PSD2: variants seen among roughly 807,000 people sequenced by gnomAD.
PSD2 encodes the protein PH and SEC7 domain-containing protein 2.
Under a neutral mutation model 69.8 loss-of-function variants are expected in PSD2, and 38 were observed. The ratio of observed to expected loss-of-function variants is 0.54; its 90% CI spans 0.42 to 0.71. PSD2 has a LOEUF of 0.71. PSD2 is among the 30% of genes least tolerant of loss of function. The pLI is 0.00. For missense variants in PSD2, 943 were observed against 1,014.5 expected (o/e 0.93, Z 0.96); for synonymous variants, 412 against 423.0 (o/e 0.97, Z 0.32).
Position 139,822,737 on chromosome 5 carries a change from A to G in PSD2, c.1222A>G (p.Thr408Ala), listed in dbSNP as rs913342858. 2.5e-6 allele frequency: 4 copies of G among 1,610,646 alleles called. No individual in the cohort carries two copies. The Admixed American group carries it at 6.7e-5, about 27-fold the overall frequency. The change falls in exon 7 of 15, where the codon ACG becomes GCG. Residue 408 changes from threonine to alanine, a missense_variant. This residue lies in a region of PSD2 where 312 missense variants were observed against 400.7 expected (regional missense o/e 0.78). Coordinates refer to ENST00000274710, the MANE Select transcript of PSD2 (RefSeq NM_032289.4). ...DDSTSEDGIH[T>A]LTCALMLLNT... ...CATCTCTGACTCAGATGGGATCCAC[A>G]CGCTCACCTGTGCCCTGATGCTGCT...
chr5:139,836,751 C>A, intron 9 of PSD2, 60 bp from the exon 10 acceptor site: 2 of 1,497,262 alleles, frequency 1.3e-6, no homozygotes, highest in Admixed American at 1.7e-5. Context: ...GGGGAAAGGC[C>A]ATGACGATGC....
chr5:139,806,920 A>G (rs1759822988), intron 1 of PSD2, among the ~76,000 whole-genome samples: 1 of 152,134 alleles, frequency 6.6e-6, no homozygotes, highest in Admixed American at 6.5e-5. Context: ...CCCAGAAACA[A>G]AGGATGTGGC....
At position 139,813,877 on chromosome 5, in the gene PSD2, C is replaced by A. The variant is rs1420919770; in HGVS notation, c.821+119C>A. ...AGTCAGCATGCCCTCTTCAAGGTCA[C>A]CTGGTCTACCCTCTGCATCCAGGCT... On this transcript the variant is annotated intron_variant, in intron 3 of 14. Coordinates refer to ENST00000274710, the MANE Select transcript of PSD2 (RefSeq NM_032289.4). The A allele has an allele frequency of 7.0e-6, 6 of 853,666 alleles. No individual in the cohort carries two copies. In the Admixed American group the frequency reaches 1.7e-4, roughly 25 times the overall value. 52.9% of individuals were successfully genotyped at this position (853,666 alleles called of 1,614,324 possible).
the PSD2 span, among the ~76,000 whole-genome samples, chr5:139,754,869 A>AC: frequency 1.8e-4 from 28 of 151,856 alleles, no homozygotes; most frequent in African/African-American, 6.6e-4. Flanking sequence ...CCTGTCTCAA[A>AC]AAAAAACAAA....
chr5:139,797,169 G>A (rs1759553567), intron 1 of PSD2, among the ~76,000 whole-genome samples: 1 of 152,194 alleles, frequency 6.6e-6, no homozygotes, highest in Non-Finnish European at 1.5e-5. Flanking sequence ...TGGGGCCTGG[G>A]ATCTCCGAAT....
chr5:139,774,886 G>A, the PSD2 span, among the ~76,000 whole-genome samples: 1 of 152,328 alleles, frequency 6.6e-6, no homozygotes, highest in East Asian at 1.9e-4. Flanking sequence ...GGGTAGTGAT[G>A]TTGCTGTGTC....
At chr5:139,792,328 A>T (rs899128283), upstream of PSD2, among the ~76,000 whole-genome samples, 1 of 152,084 alleles carries the variant, frequency 6.6e-6, no homozygotes, top group Non-Finnish European at 1.5e-5. Flanking sequence ...GGGTCCTCTG[A>T]GTCAAGCCTC....
intron 7 of PSD2, among the ~76,000 whole-genome samples, chr5:139,827,696 G>A (rs1200079254): frequency 6.6e-6 from 1 of 152,220 alleles, no homozygotes; most frequent in Non-Finnish European, 1.5e-5. Context: ...CAATCATGGC[G>A]GAAGGGGAAG....
chr5:139,745,964 G>A, the PSD2 span, among the ~76,000 whole-genome samples: 57 of 152,254 alleles, frequency 3.7e-4, no homozygotes, highest in Middle Eastern at 3.4e-3. Context: ...GGATGAGAGG[G>A]GTTGCCAGGA....
At chr5:139,759,396 G>A in the PSD2 span, among the ~76,000 whole-genome samples, 2 of 152,008 alleles carry the variant, frequency 1.3e-5, no homozygotes, top group Non-Finnish European at 1.5e-5. Context: ...CCCCATGGGC[G>A]GATGCTGCCC....
the PSD2 span, among the ~76,000 whole-genome samples, chr5:139,750,048 G>A: frequency 6.6e-6 from 1 of 150,872 alleles, no homozygotes; most frequent in African/African-American, 2.4e-5. Flanking sequence ...AAACCAGGCT[G>A]GGTGTGGTGG....
At chr5:139,830,844 T>A (rs1760583739) in intron 7 of PSD2, among the ~76,000 whole-genome samples, 2 of 137,862 alleles carry the variant, frequency 1.5e-5, no homozygotes, top group Admixed American at 7.1e-5. Context: ...TTTTTTTTTT[T>A]TATTGATTCA....
chr5:139,772,619 C>T, the PSD2 span: 2 of 152,342 alleles, frequency 1.3e-5, no homozygotes, highest in African/African-American at 4.8e-5. Flanking sequence ...CTTGCTGTTT[C>T]TTCTGTCTGC....
the PSD2 span, among the ~76,000 whole-genome samples, chr5:139,749,942 G>T: frequency 6.6e-6 from 1 of 151,962 alleles, no homozygotes; most frequent in Non-Finnish European, 1.5e-5. Context: ...GAAGAAGAAG[G>T]ATGGTTTGAA....
Position 139,814,385 on chromosome 5 carries a change from C to T in PSD2, c.1016+21C>T. The T allele has an allele frequency of 1.3e-6, 2 of 1,570,826 alleles. No homozygotes were observed. Among genetic ancestry groups the T allele is most frequent in the Non-Finnish European group, 1.7e-6 (2 of 1,158,986 alleles). On this transcript the variant is annotated intron_variant, in intron 4 of 14. Transcript: ENST00000274710. The surrounding 1 kb of genome is among the most constrained non-coding windows in gnomAD (Gnocchi z 4.4). ...AAGAAGTGAGTGTGAGCTCCCCTGC[C>T]CCCAACCCTGGGCAAACCTCGTGTC...
At chr5:139,758,053 G>A in the PSD2 span, among the ~76,000 whole-genome samples, 1 of 152,090 alleles carries the variant, frequency 6.6e-6, no homozygotes, top group Non-Finnish European at 1.5e-5. Context: ...AAAACAAAAC[G>A]AAACGAAACA....
At chr5:139,835,627 A>G in intron 8 of PSD2, 96 bp from the exon 9 acceptor site, 1 of 1,282,986 alleles carries the variant, frequency 7.8e-7, no homozygotes, top group South Asian at 1.2e-5. Context: ...ATTGGCTGAA[A>G]AGGTGCTCCC....
At chr5:139,800,038 A>C (rs1759629901) in intron 1 of PSD2, among the ~76,000 whole-genome samples, 1 of 152,174 alleles carries the variant, frequency 6.6e-6, no homozygotes, top group Non-Finnish European at 1.5e-5. Flanking sequence ...AGCCACACAT[A>C]GCCCACTGCA....
chr5:139,792,742 TTTC>T (rs1267354579), upstream of PSD2, among the ~76,000 whole-genome samples: 5 of 151,798 alleles, frequency 3.3e-5, no homozygotes, highest in Admixed American at 2.0e-4. Flanking sequence ...CTCTTTCTTT[TTTC>T]TTTCTTTCTT....
Sources: allele counts gnomAD v4.1 joint callset (sites outside exome capture counted in the v4.1 genomes callset), GRCh38; gene constraint gnomAD v4.1.1; regional missense constraint gnomAD v4.1.1; non-coding constraint Gnocchi (gnomAD v3.1); transcripts MANE v1.5; gene names NCBI Gene and HGNC (gene_info 2026-07-23, HGNC 2026-07-21).